Variants in IGF1R observed in about 807,000 individuals in gnomAD.
The protein encoded by IGF1R is insulin-like growth factor 1 receptor.
IGF1R carries 44 observed loss-of-function variants against 144.6 expected under a neutral mutation model. That is an observed-to-expected ratio of 0.30 (90% CI 0.24 to 0.39). The LOEUF is 0.39. IGF1R is among the 10% of genes least tolerant of loss of function. The pLI, the probability that IGF1R is intolerant of heterozygous loss-of-function variation, is 1.00. For missense variants in IGF1R, 1,355 were observed against 1,833.7 expected (o/e 0.74, Z 4.77); for synonymous variants, 795 against 722.8 (o/e 1.10, Z -1.60).
At chr15:98,726,443 T>C (rs1749276342) in intron 2 of IGF1R, among the ~76,000 whole-genome samples, 2 of 152,214 alleles carry the variant, frequency 1.3e-5, no homozygotes, top group African/African-American at 4.8e-5. Flanking sequence ...TTTAAATCTT[T>C]GGAGTTTTTG....
intron 1 of IGF1R, among the ~76,000 whole-genome samples, chr15:98,654,768 A>G (rs1233553607): frequency 6.6e-6 from 1 of 151,994 alleles, no homozygotes; most frequent in Non-Finnish European, 1.5e-5. Context: ...TGTACTAAAT[A>G]TATAATAGTT....
At chr15:98,906,506 C>T (rs185469440) in intron 5 of IGF1R, among the ~76,000 whole-genome samples, 13 of 152,288 alleles carry the variant, frequency 8.5e-5, no homozygotes, top group Middle Eastern at 3.4e-3. Flanking sequence ...TCCCTCCTTC[C>T]GTTGTATGAC....
At chr15:98,664,246 T>C (rs2052671490) in intron 1 of IGF1R, among the ~76,000 whole-genome samples, 2 of 152,186 alleles carry the variant, frequency 1.3e-5, no homozygotes, top group Non-Finnish European at 2.9e-5. Context: ...CCCCCAGTCT[T>C]GTTTCATGAC....
In IGF1R at chr15:98,743,725, T is replaced by TA. The variant is rs142737117; in HGVS notation, c.640+35624dup. Among the ~76,000 whole-genome samples, 863 of 152,186 alleles carry TA rather than the reference T, an allele frequency of 5.7e-3. 13 individuals carry two copies. Among genetic ancestry groups the TA allele is most frequent in the African/African-American group, 0.02 (841 of 41,502 alleles). ...GGTGGGGTATGTGTCATATTTCCATTAAAAAATTCATCCTGGCCACAGTGT... is the reference window on the plus strand; with the variant it reads ...GGTGGGGTATGTGTCATATTTCCATTAAAAAAATTCATCCTGGCCACAGTGT... On this transcript the variant is annotated intron_variant, in intron 2 of 20. Coordinates refer to ENST00000650285, the MANE Select transcript of IGF1R (RefSeq NM_000875.5).
intron 20 of IGF1R, among the ~76,000 whole-genome samples, chr15:98,955,581 C>T (rs961443087): frequency 6.6e-5 from 10 of 152,230 alleles, no homozygotes; most frequent in African/African-American, 1.7e-4. Flanking sequence ...GGCTCTAGAA[C>T]GCTGAATTCT....
At chr15:98,693,650 G>A (rs187594241) in intron 1 of IGF1R, among the ~76,000 whole-genome samples, 1 of 152,196 alleles carries the variant, frequency 6.6e-6, no homozygotes, top group African/African-American at 2.4e-5. Flanking sequence ...TTGTCACCCA[G>A]GCTGGAGTGC....
intron 2 of IGF1R, among the ~76,000 whole-genome samples, chr15:98,857,430 G>A (rs2011887720): frequency 1.3e-5 from 2 of 152,336 alleles, no homozygotes; most frequent in South Asian, 4.1e-4. Flanking sequence ...TGTTGGCCGG[G>A]CTGGTCTTGA....
chr15:98,798,921 A>G (rs1260415897), intron 2 of IGF1R, among the ~76,000 whole-genome samples: 2 of 152,140 alleles, frequency 1.3e-5, no homozygotes, highest in African/African-American at 4.8e-5. Context: ...TCGTTCTGCT[A>G]TTAGAGCCAT....
chr15:98,727,374 T>C (rs2054386138), intron 2 of IGF1R, among the ~76,000 whole-genome samples: 1 of 152,056 alleles, frequency 6.6e-6, no homozygotes, highest in Non-Finnish European at 1.5e-5. Context: ...CCAGTGTAGG[T>C]TTACATTTTT....
At position 98,707,605 on chromosome 15, in the gene IGF1R, G is replaced by C. The variant is rs749450544; in HGVS notation, c.138G>C (p.Leu46=). The C allele has an allele frequency of 5.6e-6, 9 of 1,614,208 alleles. No individual in the cohort carries two copies. The highest frequency in any genetic ancestry group is 7.6e-6 in the Non-Finnish European group (9 of 1,180,020). The stretch of plus-strand genomic sequence containing the variant: ...ACATCCGCAACGACTATCAGCAGCT[G>C]AAGCGCCTGGAGAACTGCACGGTGA... ...GIDIRNDYQQ[L]KRLENCTVIE... is the part of the protein sequence containing the mutation. Residue 46 remains leucine, a synonymous_variant, in exon 2 of 21, where the codon CTG becomes CTC. Coordinates refer to ENST00000650285, the MANE Select transcript of IGF1R (RefSeq NM_000875.5). This position sits in a 1 kb window ranked among gnomAD's most constrained non-coding sequence, Gnocchi z 6.7.
At chr15:98,828,863 C>A (rs2056950008) in intron 2 of IGF1R, among the ~76,000 whole-genome samples, 1 of 132,886 alleles carries the variant, frequency 7.5e-6, no homozygotes, top group Non-Finnish European at 1.5e-5. Context: ...TGCATTTGTT[C>A]ATTTATATCC....
chr15:98,862,915 G>A (rs533968969), intron 2 of IGF1R, among the ~76,000 whole-genome samples: 1 of 152,226 alleles, frequency 6.6e-6, no homozygotes, highest in East Asian at 1.9e-4. Flanking sequence ...TTACATAACC[G>A]TAATACGGTT....
Position 98,891,310 on chromosome 15 carries a change from CCT to C in IGF1R, c.641-7_641-6del, listed in dbSNP as rs771844818. 6.2e-6 allele frequency: 10 copies of C among 1,603,896 alleles called. No individual in the cohort carries two copies. The East Asian group carries it at 1.6e-4, about 25-fold the overall frequency. On this transcript the variant is annotated splice_polypyrimidine_tract_variant and intron_variant, in intron 2 of 20. Coordinates refer to ENST00000650285, the MANE Select transcript of IGF1R (RefSeq NM_000875.5). The surrounding 1 kb of genome is among the most constrained non-coding windows in gnomAD (Gnocchi z 4.7). ...CCTGCCCGGTCTCATCTCCGTCTCT[CCT>C]CTCTCTCCACAGTGTGCCCAAGCAC...
In IGF1R at chr15:98,962,401, C is replaced by T. The variant is rs1433489079; in HGVS notation, c.*4959C>T. 1 of 233,536 alleles carries T rather than the reference C, an allele frequency of 4.3e-6. No individual in the cohort carries two copies. The highest frequency in any genetic ancestry group is 8.5e-6 in the Non-Finnish European group (1 of 118,086). The allele number at this position is 233,536 out of a possible 1,614,324, so 14.5% of individuals were successfully genotyped here. ...CATTGGGAGATGTGGACCAGAGATC[C>T]ACTCCTTAAGAACCAGTGGCGAAAG... On this transcript the variant is annotated 3_prime_UTR_variant, in exon 21 of 21. Transcript: ENST00000650285.
intron 2 of IGF1R, among the ~76,000 whole-genome samples, chr15:98,752,724 A>G (rs1316823708): frequency 1.3e-5 from 2 of 152,076 alleles, no homozygotes; most frequent in Non-Finnish European, 2.9e-5. Context: ...TTATCCCCCA[A>G]ATGTACCTGA....
intron 3 of IGF1R, 76 bp from the exon 4 acceptor site, chr15:98,896,681 A>G (rs2151651747): frequency 7.0e-7 from 1 of 1,435,090 alleles, no homozygotes; most frequent in Non-Finnish European, 9.7e-7. Flanking sequence ...TGAAAAGCAT[A>G]TCCTTATGGT....
chr15:98,923,805 A>C lies in IGF1R; in HGVS notation c.2486-71A>C, dbSNP rs564728452. ...CCGTGTGGATGGGGGGGTTATTCTCAGGTCAGCCCAGTGTTGGCCTCCCTC... is the reference window on the plus strand; with the variant it reads ...CCGTGTGGATGGGGGGGTTATTCTCCGGTCAGCCCAGTGTTGGCCTCCCTC... On this transcript the variant is annotated intron_variant, in intron 11 of 20. Coordinates refer to ENST00000650285, the MANE Select transcript of IGF1R (RefSeq NM_000875.5). The C allele has an allele frequency of 4.0e-6, 5 of 1,242,640 alleles. No homozygotes were observed. In the East Asian group the frequency reaches 9.3e-5, roughly 23 times the overall value. The allele number at this position is 1,242,640 out of a possible 1,614,324, so 77.0% of individuals were successfully genotyped here. A position where few individuals can be genotyped will look rare whatever the true frequency, so the allele number is the denominator to read the frequency against.
intron 20 of IGF1R, among the ~76,000 whole-genome samples, chr15:98,956,742 G>T (rs965877391): frequency 5.3e-5 from 8 of 152,244 alleles, no homozygotes; most frequent in African/African-American, 1.9e-4. Flanking sequence ...TCTTAGCACT[G>T]CCACCATAGA....
Position 98,707,449 on chromosome 15 carries a change from A to G in IGF1R, c.95-113A>G, listed in dbSNP as rs1225214692. 6 of 1,125,752 alleles carry G rather than the reference A, an allele frequency of 5.3e-6. No individual in the cohort carries two copies. The highest frequency in any genetic ancestry group is 2.7e-5 in the South Asian group (2 of 74,766). The allele number at this position is 1,125,752 out of a possible 1,614,324, so 69.7% of individuals were successfully genotyped here. A position where few individuals can be genotyped will look rare whatever the true frequency, so the allele number is the denominator to read the frequency against. ...GCTCTGCAGTGAACAATTGAACCTC[A>G]TTTCTTTAATAATAATACAGGATTC... On this transcript the variant is annotated intron_variant, in intron 1 of 20. Transcript: ENST00000650285. This position sits in a 1 kb window ranked among gnomAD's most constrained non-coding sequence, Gnocchi z 6.7.
Sources: gnomAD v4.1 joint callset for allele counts (sites outside exome capture counted in the v4.1 genomes callset) on GRCh38, gnomAD v4.1.1 for gene constraint, Gnocchi (gnomAD v3.1) non-coding constraint, MANE v1.5 for transcripts, NCBI Gene and HGNC (gene_info 2026-07-23, HGNC 2026-07-21) for gene names.